TAFA1: variants seen among roughly 807,000 people sequenced by gnomAD.
The protein encoded by TAFA1 is TAFA chemokine like family member 1.
Under a neutral mutation model 18.5 loss-of-function variants are expected in TAFA1, and 4 were observed. That is an observed-to-expected ratio of 0.22 (90% confidence interval 0.11 to 0.49). The LOEUF (loss-of-function observed/expected upper bound fraction) is 0.49, where lower values mean the gene tolerates loss of function less well. TAFA1 is among the 20% of genes least tolerant of loss of function. The pLI is 0.98. For missense variants in TAFA1, 147 were observed against 169.0 expected, an observed-to-expected ratio of 0.87 and a Z score of 0.72; for synonymous variants, 56 against 55.2, an observed-to-expected ratio of 1.01 and a Z score of -0.06.
rs1190501748 is a variant in TAFA1 at position 68,004,342 on chromosome 3, G to A, written c.-364G>A. 2 of 152,086 alleles carry A rather than the reference G, an allele frequency of 1.3e-5. No individual in the cohort carries two copies. The highest frequency in any genetic ancestry group is 1.5e-5 in the Non-Finnish European group (1 of 68,054). The allele number at this position is 152,086 out of a possible 1,614,324, so 9.4% of individuals were successfully genotyped here. ...TGCACTGGAGTGGGGATGGTCCATC[G>A]GCAACTATAAACTGATTCTCATCAG... On this transcript the variant is annotated 5_prime_UTR_variant, in exon 1 of 5. Coordinates refer to ENST00000478136, the MANE Select transcript of TAFA1 (RefSeq NM_213609.4).
At chr3:68,028,573 G>A (rs945032357) in intron 2 of TAFA1, among the ~76,000 whole-genome samples, 4 of 151,944 alleles carry the variant, frequency 2.6e-5, no homozygotes, top group Non-Finnish European at 4.4e-5. Context: ...GCAGGGCTAC[G>A]CTCCTATGGG....
At chr3:68,066,895 T>C (rs752195435) in intron 2 of TAFA1, among the ~76,000 whole-genome samples, 1 of 152,124 alleles carries the variant, frequency 6.6e-6, no homozygotes, top group African/African-American at 2.4e-5. Flanking sequence ...TGCCTCTATT[T>C]CTCTGTCAGG....
chr3:67,994,744 C>A, the TAFA1 span, among the ~76,000 whole-genome samples: 1 of 152,102 alleles, frequency 6.6e-6, no homozygotes, highest in Non-Finnish European at 1.5e-5. Flanking sequence ...AAGAGAAAAT[C>A]ACTTTTTGAG....
chr3:68,363,032 G>T (rs1264161609), intron 2 of TAFA1, among the ~76,000 whole-genome samples: 1 of 110,270 alleles, frequency 9.1e-6, no homozygotes, highest in Non-Finnish European at 1.7e-5. Context: ...CTTTAAAATT[G>T]GTTGAATAAA....
intron 2 of TAFA1, among the ~76,000 whole-genome samples, chr3:68,227,219 C>G (rs561871275): frequency 2.0e-5 from 3 of 152,062 alleles, no homozygotes; most frequent in Non-Finnish European, 4.4e-5. Flanking sequence ...TTGTATTTCT[C>G]GAATGTGGAT....
At chr3:68,180,012 T>TTTTTTTA (rs1553649124) in intron 2 of TAFA1, among the ~76,000 whole-genome samples, 2 of 140,322 alleles carry the variant, frequency 1.4e-5, no homozygotes, top group African/African-American at 5.3e-5. Context: ...AACACATAAT[T>TTTTTTTA]TTATTATTAT....
intron 2 of TAFA1, among the ~76,000 whole-genome samples, chr3:68,239,805 T>C (rs2066973920): frequency 6.6e-6 from 1 of 152,128 alleles, no homozygotes; most frequent in Non-Finnish European, 1.5e-5. Flanking sequence ...TCAGAACCAT[T>C]TGCAGCCCCC....
intron 2 of TAFA1, among the ~76,000 whole-genome samples, chr3:68,113,013 C>T (rs1456843108): frequency 6.6e-6 from 1 of 152,058 alleles, no homozygotes; most frequent in Non-Finnish European, 1.5e-5. Context: ...ACTTTTTACA[C>T]TCAATGTCGT....
intron 3 of TAFA1, among the ~76,000 whole-genome samples, chr3:68,443,473 C>CAAAAAAAAAAAAAAAAAAAAA (rs56944130): frequency 2.1e-5 from 2 of 96,100 alleles, no homozygotes; most frequent in Non-Finnish European, 4.4e-5. Flanking sequence ...GGGCAATTTA[C>CAAAAAAAAAAAAAAAAAAAAA]AAAAAAAAAA....
chr3:68,027,495 C>A (rs528855511), intron 2 of TAFA1, among the ~76,000 whole-genome samples: 1 of 152,140 alleles, frequency 6.6e-6, no homozygotes, highest in Non-Finnish European at 1.5e-5. Context: ...TAAGACATGA[C>A]TGGCATTTGT....
intron 2 of TAFA1, among the ~76,000 whole-genome samples, chr3:68,098,363 G>T (rs73108802): frequency 0.018 from 2,777 of 152,156 alleles, 44 homozygotes; most frequent in Middle Eastern, 0.041. Flanking sequence ...TGATTTGGGG[G>T]AAGTTGCTAG....
intron 2 of TAFA1, among the ~76,000 whole-genome samples, chr3:68,164,261 T>C (rs1443807050): frequency 6.6e-6 from 1 of 152,200 alleles, no homozygotes; most frequent in Non-Finnish European, 1.5e-5. Flanking sequence ...TGCCTCTGAA[T>C]GGTATTTTTT....
In TAFA1 at chr3:68,004,504, G is replaced by T. The variant is rs989139152; in HGVS notation, c.-202G>T. On this transcript the variant is annotated 5_prime_UTR_variant, in exon 1 of 5. The change abolishes an upstream ATG in the 5' untranslated region. Coordinates refer to ENST00000478136, the MANE Select transcript of TAFA1 (RefSeq NM_213609.4). ...CCTTTTCTGACAATACAGTCTGAAT[G>T]AACCCGATGTCTTTTTTTTTACTGT... 2.0e-5 allele frequency: 3 copies of T among 151,988 alleles called. No homozygotes were observed. Among genetic ancestry groups the T allele is most frequent in the African/African-American group, 7.3e-5 (3 of 41,372 alleles). The allele number at this position is 151,988 out of a possible 1,614,324, so 9.4% of individuals were successfully genotyped here.
chr3:68,375,692 T>C (rs2069796763), intron 2 of TAFA1, among the ~76,000 whole-genome samples: 1 of 152,318 alleles, frequency 6.6e-6, no homozygotes, highest in Middle Eastern at 3.4e-3. Context: ...TTAACAGTAA[T>C]AACTAATACT....
At chr3:68,462,843 T>G (rs1442692971) in intron 3 of TAFA1, among the ~76,000 whole-genome samples, 1 of 152,168 alleles carries the variant, frequency 6.6e-6, no homozygotes, top group Admixed American at 6.5e-5. Flanking sequence ...AAAATGAAAT[T>G]CCATGGAATA....
chr3:68,354,567 A>G (rs1287666748), intron 2 of TAFA1, among the ~76,000 whole-genome samples: 1 of 152,042 alleles, frequency 6.6e-6, no homozygotes, highest in Non-Finnish European at 1.5e-5. Flanking sequence ...TTGAGCAAGA[A>G]CAAATTTAAG....
chr3:68,353,884 T>C (rs950721427), intron 2 of TAFA1, among the ~76,000 whole-genome samples: 1 of 152,030 alleles, frequency 6.6e-6, no homozygotes, highest in Admixed American at 6.6e-5. Context: ...GTCTGAGCAG[T>C]ACAAAATGGA....
intron 2 of TAFA1, among the ~76,000 whole-genome samples, chr3:68,350,574 A>G (rs1231266312): frequency 6.6e-6 from 1 of 152,146 alleles, no homozygotes; most frequent in African/African-American, 2.4e-5. Context: ...TATACACTAT[A>G]AAATTGCAGA....
At chr3:68,143,717 A>C (rs532539951) in intron 2 of TAFA1, among the ~76,000 whole-genome samples, 2 of 152,142 alleles carry the variant, frequency 1.3e-5, no homozygotes, top group African/African-American at 2.4e-5. Context: ...GAGCCAAACC[A>C]AGAGTAACAG....
Sources: allele counts gnomAD v4.1 joint callset (sites outside exome capture counted in the v4.1 genomes callset), GRCh38; gene constraint gnomAD v4.1.1; transcripts MANE v1.5; gene names NCBI Gene and HGNC (gene_info 2026-07-23, HGNC 2026-07-21).